The following USP40 variants were observed in gnomAD, a reference collection of about 807,000 sequenced individuals.
USP40 encodes ubiquitin specific peptidase 40.
In USP40, 143 loss-of-function variants were observed where a neutral mutation model predicts 166.2. The ratio of observed to expected loss-of-function variants is 0.86; its 90% CI spans 0.75 to 0.99. The LOEUF (loss-of-function observed/expected upper bound fraction) is 0.99. Among genes scored for constraint, USP40 ranks in the 50% least tolerant of loss-of-function variants. The pLI is 0.00. For missense variants in USP40, 1,444 were observed against 1,479.7 expected (o/e 0.98, Z 0.40); for synonymous variants, 498 against 524.0 (o/e 0.95, Z 0.68).
intron 11 of USP40, among the ~76,000 whole-genome samples, chr2:233,533,142 T>C (rs748108338): frequency 6.6e-6 from 1 of 152,106 alleles, no homozygotes; most frequent in African/African-American, 2.4e-5. Flanking sequence ...AGGCAACATA[T>C]GGCTGAATGA....
intron 30 of USP40, 129 bp from the exon 31 acceptor site, chr2:233,481,426 T>C: frequency 3.8e-6 from 3 of 788,634 alleles, no homozygotes; most frequent in Non-Finnish European, 5.9e-6. Context: ...ACTAGGTGAA[T>C]AACTGATTAA....
rs747100552 is a variant in USP40, at chr2:233,477,386, G to T, written c.*6C>A. 11 of 1,612,676 alleles carry T rather than the reference G, an allele frequency of 6.8e-6. No individual in the cohort carries two copies. The highest frequency in any genetic ancestry group is 1.3e-5 in the African/African-American group (1 of 74,924). On this transcript the variant is annotated 3_prime_UTR_variant, in exon 32 of 32. Coordinates refer to ENST00000678225, the MANE Select transcript of USP40 (RefSeq NM_001365479.2). ...TCATCGGGAGTAGAGCCGTGCAGCGGCGCGGTTATCTGAAGCTCCCCACGT... is the reference window on the plus strand; with the variant it reads ...TCATCGGGAGTAGAGCCGTGCAGCGTCGCGGTTATCTGAAGCTCCCCACGT...
chr2:233,507,710 G>A (rs574820169), intron 21 of USP40, among the ~76,000 whole-genome samples: 1 of 151,890 alleles, frequency 6.6e-6, no homozygotes, highest in Non-Finnish European at 1.5e-5. Context: ...GAGGATGGGA[G>A]AGGGTGGTCA....
At position 233,566,162 on chromosome 2, in the gene USP40, G is replaced by C. The variant is rs147624581; in HGVS notation, c.-20+522C>G. 6.8e-3 allele frequency among the ~76,000 whole-genome samples: 1,027 copies of C among 152,000 alleles called. 5 individuals are homozygous for C. The highest frequency in any genetic ancestry group is 0.011 in the Non-Finnish European group (776 of 67,988). On this transcript the variant is annotated intron_variant, in intron 1 of 31. Coordinates refer to ENST00000678225, the MANE Select transcript of USP40 (RefSeq NM_001365479.2). ...GGAAGTCAGTTCACTGGGGAGGGAGGGGGGAAGGGGAGCGGAGGGCGGGGA... is the reference window on the plus strand; with the variant it reads ...GGAAGTCAGTTCACTGGGGAGGGAGCGGGGAAGGGGAGCGGAGGGCGGGGA...
chr2:233,558,195 G>A (rs1032789660), intron 4 of USP40, among the ~76,000 whole-genome samples: 4 of 151,570 alleles, frequency 2.6e-5, no homozygotes, highest in Admixed American at 1.3e-4. Flanking sequence ...CCTACACTTC[G>A]CAAAGGTACC....
In USP40 at chr2:233,523,431, A is replaced by G; in HGVS notation, c.1940T>C (p.Leu647Pro). Residue 647 changes from leucine (L) to proline (P), a missense_variant, in exon 16 of 32, where the codon CTT becomes CCT. Leu to Pro is a moderately conservative substitution (Grantham distance 98). Transcript: ENST00000678225. ...IDCEPLLLNV[L>P]HLDTSSDGEK... ...TCCATCACTGCTTGTGTCTAGATGA[A>G]GAACATTTAAAAGTAGAGGTTCGCA... is the stretch of plus-strand genomic sequence containing the variant. 1 of 1,614,024 alleles carries G rather than the reference A, an allele frequency of 6.2e-7. No homozygotes were observed. Among genetic ancestry groups the G allele is most frequent in the Non-Finnish European group, 8.5e-7 (1 of 1,179,880 alleles).
chr2:233,541,131 T>A (rs1413082605), intron 9 of USP40, among the ~76,000 whole-genome samples: 1 of 152,204 alleles, frequency 6.6e-6, no homozygotes, highest in African/African-American at 2.4e-5. Flanking sequence ...AAAACAAAGA[T>A]GATTAATGTC....
intron 30 of USP40, 41 bp downstream of exon 30, chr2:233,485,490 G>C (rs79003717): frequency 6.8e-7 from 1 of 1,465,448 alleles, no homozygotes; most frequent in Non-Finnish European, 9.5e-7. Flanking sequence ...TGTGACCCTC[G>C]TGTCTTCTCA....
At chr2:233,524,091 A>C (rs1470335921) in intron 15 of USP40, among the ~76,000 whole-genome samples, 1 of 152,156 alleles carries the variant, frequency 6.6e-6, no homozygotes, top group Non-Finnish European at 1.5e-5. Context: ...TAGTTTTCTA[A>C]TATCTAATTG....
At chr2:233,484,638 C>T (rs1005482503) in intron 30 of USP40, among the ~76,000 whole-genome samples, 3 of 152,006 alleles carry the variant, frequency 2.0e-5, no homozygotes, top group African/African-American at 7.2e-5. Flanking sequence ...TGTGCTACCA[C>T]ACCCGGCTAA....
Position 233,523,337 on chromosome 2 carries a change from G to A in USP40, c.2034C>T (p.Leu678=). The change falls in exon 16 of 32, where the codon CTC becomes CTT. Residue 678 remains leucine, a synonymous_variant. Transcript: ENST00000678225. ...CACCTGCTGGGATTGCTAAGGCTGT[G>A]AGGACAGTGCCCACTTCTGCATTAG... ...FPANAEVGTV[L]TALAIPAGVI... 1 of 1,614,022 alleles carries A rather than the reference G, an allele frequency of 6.2e-7. No homozygotes were observed. The highest frequency in any genetic ancestry group is 8.5e-7 in the Non-Finnish European group (1 of 1,179,892).
Position 233,565,353 on chromosome 2 carries a change from T to G in USP40, c.199+3A>C. ...CTAGTTAAATGTACGTAACATAGCA[T>G]ACCTCTGAATTCAGGTGTGAAATGA... On this transcript the variant is annotated splice_donor_region_variant and intron_variant, in intron 2 of 31. Transcript: ENST00000678225. 2 of 1,533,180 alleles carry G rather than the reference T, an allele frequency of 1.3e-6. No individual in the cohort carries two copies. Among genetic ancestry groups the G allele is most frequent in the Non-Finnish European group, 1.7e-6 (2 of 1,143,354 alleles). 95.0% of individuals were successfully genotyped at this position (1,533,180 alleles called of 1,614,324 possible).
At chr2:233,551,915 G>A (rs1467737786) in intron 6 of USP40, among the ~76,000 whole-genome samples, 3 of 152,088 alleles carry the variant, frequency 2.0e-5, no homozygotes, top group Non-Finnish European at 4.4e-5. Flanking sequence ...CTAGGAACCT[G>A]TTTTAAAGGA....
At position 233,493,250 on chromosome 2, in the gene USP40, A is replaced by T; in HGVS notation, c.2917+175T>A. On this transcript the variant is annotated intron_variant, in intron 25 of 31. Coordinates refer to ENST00000678225, the MANE Select transcript of USP40 (RefSeq NM_001365479.2). This position sits in a 1 kb window ranked among gnomAD's most constrained non-coding sequence, Gnocchi z 4.7. ...ACAGAGGTTACAGAGCACGTACAGA[A>T]ATGGCACAGTGTTATTATTATGTGA... is the stretch of plus-strand genomic sequence containing the variant. 3 of 836,142 alleles carry T rather than the reference A, an allele frequency of 3.6e-6. No individual in the cohort carries two copies. The highest frequency in any genetic ancestry group is 5.6e-6 in the Non-Finnish European group (3 of 531,850). 51.8% of individuals were successfully genotyped at this position (836,142 alleles called of 1,614,324 possible). A position where few individuals can be genotyped will look rare whatever the true frequency, so the allele number is the denominator to read the frequency against.
rs766969418 is a variant in USP40, at chr2:233,533,529, C to T, written c.1421G>A (p.Ser474Asn). 1 of 1,613,838 alleles carries T rather than the reference C, an allele frequency of 6.2e-7. No individual in the cohort carries two copies. Among genetic ancestry groups the T allele is most frequent in the South Asian group, 1.1e-5 (1 of 91,066 alleles). ...DIEQQFQGKESAYMLFYRKSQ... is the reference protein window; with the variant it reads ...DIEQQFQGKENAYMLFYRKSQ... ...TTTCCGATAAAACAACATGTAGGCA[C>T]TTTCTTTACCCTGAAATTGCTGTTC... The change falls in exon 11 of 32, where the codon AGT becomes AAT. Residue 474 changes from serine (S) to asparagine (N), a missense_variant. Coordinates refer to ENST00000678225, the MANE Select transcript of USP40 (RefSeq NM_001365479.2).
At position 233,493,347 on chromosome 2, in the gene USP40, A is replaced by T. The variant is rs2065468746; in HGVS notation, c.2917+78T>A. The T allele has an allele frequency of 6.3e-7, 1 of 1,590,150 alleles. No individual in the cohort carries two copies. The highest frequency in any genetic ancestry group is 8.6e-7 in the Non-Finnish European group (1 of 1,161,642). On this transcript the variant is annotated intron_variant, in intron 25 of 31. Coordinates refer to ENST00000678225, the MANE Select transcript of USP40 (RefSeq NM_001365479.2). The surrounding 1 kb of genome is among the most constrained non-coding windows in gnomAD (Gnocchi z 4.7). ...TTACGTTTTAAAAATAAATATATCA[A>T]TTGACTCTCAGAGCACAGGCAGTCA...
At chr2:233,488,400 GA>G (rs2065088835) in intron 27 of USP40, 96 bp from the exon 28 acceptor site, 1 of 1,226,612 alleles carries the variant, frequency 8.2e-7, no homozygotes, top group South Asian at 1.4e-5. Flanking sequence ...CTTAAGCAAA[GA>G]ATTGTTTTCT....
intron 20 of USP40, 135 bp from the exon 21 acceptor site, chr2:233,510,270 C>A: frequency 1.6e-6 from 1 of 630,646 alleles, no homozygotes; most frequent in East Asian, 2.8e-5. Flanking sequence ...TATGAAAATA[C>A]GACTATGATT....
At chr2:233,483,128 G>A (rs191900383) in intron 30 of USP40, among the ~76,000 whole-genome samples, 9 of 152,212 alleles carry the variant, frequency 5.9e-5, no homozygotes, top group East Asian at 1.9e-4. Context: ...TTCCTTTGAC[G>A]AACAAAAGTT....
Sources: gnomAD v4.1 joint callset for allele counts (sites outside exome capture counted in the v4.1 genomes callset) on GRCh38, gnomAD v4.1.1 for gene constraint, Gnocchi (gnomAD v3.1) non-coding constraint, MANE v1.5 for transcripts, NCBI Gene and HGNC (gene_info 2026-07-23, HGNC 2026-07-21) for gene names.